ASIC2: variants seen among roughly 807,000 people sequenced by gnomAD.
ASIC2 encodes the protein acid-sensing ion channel 2.
ASIC2 carries 25 observed loss-of-function variants against 57.3 expected under a neutral mutation model. The ratio of observed to expected loss-of-function variants is 0.44; its 90% CI spans 0.32 to 0.61. ASIC2 has a LOEUF of 0.61. Among genes scored for constraint, ASIC2 ranks in the 20% least tolerant of loss-of-function variants. The pLI is 0.06. For missense variants in ASIC2, 641 were observed against 738.1 expected, an observed-to-expected ratio of 0.87 and a Z score of 1.52; for synonymous variants, 319 against 307.5, an observed-to-expected ratio of 1.04 and a Z score of -0.39.
At chr17:33,997,087 A>T (rs1329040495) in intron 1 of ASIC2, among the ~76,000 whole-genome samples, 2 of 151,948 alleles carry the variant, frequency 1.3e-5, no homozygotes, top group African/African-American at 4.8e-5. Context: ...ATTTAGTCCT[A>T]AGTATTTGTT....
intron 1 of ASIC2, chr17:33,623,656 A>T (rs1387101627): frequency 1.3e-5 from 2 of 151,874 alleles, no homozygotes; most frequent in Non-Finnish European, 1.5e-5. Context: ...CATGTTTCTT[A>T]TTTTTTCCAT....
intron 1 of ASIC2, among the ~76,000 whole-genome samples, chr17:33,740,405 A>T (rs1365529986): frequency 3.9e-5 from 6 of 152,218 alleles, no homozygotes; most frequent in African/African-American, 1.2e-4. Context: ...TCTTCTTCAT[A>T]TGGCAGCAGG....
chr17:33,873,873 A>G (rs542165095), intron 1 of ASIC2, among the ~76,000 whole-genome samples: 1 of 151,742 alleles, frequency 6.6e-6, no homozygotes, highest in East Asian at 1.9e-4. Flanking sequence ...TATGGCCCCA[A>G]CTCCCTTCCA....
chr17:34,103,695 C>T lies in ASIC2; in HGVS notation c.555+52283G>A, dbSNP rs952943765. 2.6e-5 allele frequency among the ~76,000 whole-genome samples: 4 copies of T among 152,000 alleles called. 1 individual carries two copies. The highest frequency in any genetic ancestry group is 4.1e-4 in the South Asian group (2 of 4,822). Reference sequence around the variant, plus strand: ...GCACAGATATCCTGTTGTTTCAGCACAATTTGTTGAAAATACTTTCCTTTT... The same window carrying T: ...GCACAGATATCCTGTTGTTTCAGCATAATTTGTTGAAAATACTTTCCTTTT... On this transcript the variant is annotated intron_variant, in intron 1 of 9. Transcript: ENST00000359872.
intron 3 of ASIC2, among the ~76,000 whole-genome samples, chr17:33,051,554 C>T (rs2091976330): frequency 6.6e-6 from 1 of 152,186 alleles, no homozygotes. Flanking sequence ...GCAAGCACCT[C>T]ATCTGGGGAC....
chr17:33,642,212 C>T (rs1271956724), intron 1 of ASIC2, among the ~76,000 whole-genome samples: 2 of 95,816 alleles, frequency 2.1e-5, no homozygotes, highest in East Asian at 2.9e-4. Context: ...AGGACACCCC[C>T]CCCCCCCCCA....
intron 1 of ASIC2, among the ~76,000 whole-genome samples, chr17:33,213,049 T>C (rs1907338996): frequency 6.6e-6 from 1 of 152,240 alleles, no homozygotes; most frequent in Non-Finnish European, 1.5e-5. Context: ...TTGGGTAGAA[T>C]ATTGAGCCCA....
chr17:33,774,688 A>T (rs899245430), intron 1 of ASIC2, among the ~76,000 whole-genome samples: 11 of 152,194 alleles, frequency 7.2e-5, no homozygotes, highest in Non-Finnish European at 1.2e-4. Context: ...GAGTTTGGAG[A>T]CATACACACT....
intron 1 of ASIC2, among the ~76,000 whole-genome samples, chr17:33,149,683 C>T (rs907848174): frequency 5.9e-5 from 9 of 151,808 alleles, no homozygotes; most frequent in Admixed American, 5.9e-4. Context: ...CAGCATTTGA[C>T]TTAAAAATTG....
upstream of ASIC2, among the ~76,000 whole-genome samples, chr17:33,297,980 T>TC (rs1905791267): frequency 1.3e-5 from 2 of 148,338 alleles, no homozygotes; most frequent in African/African-American, 4.9e-5. Flanking sequence ...TGGTCTTATT[T>TC]CTGTAGTTTT....
At chr17:33,513,458 T>C (rs1225414992) in intron 1 of ASIC2, among the ~76,000 whole-genome samples, 2 of 152,246 alleles carry the variant, frequency 1.3e-5, no homozygotes, top group Non-Finnish European at 2.9e-5. Flanking sequence ...TATTTCTTCT[T>C]TGAGCCAAGA....
chr17:33,401,031 G>A (rs980466191), intron 1 of ASIC2, among the ~76,000 whole-genome samples: 1 of 152,106 alleles, frequency 6.6e-6, no homozygotes. Flanking sequence ...GTCACTCAGG[G>A]GCCCAGGCTG....
chr17:33,330,492 C>A (rs926773594), intron 1 of ASIC2, among the ~76,000 whole-genome samples: 1 of 152,170 alleles, frequency 6.6e-6, no homozygotes, highest in Admixed American at 6.5e-5. Context: ...CCTCATGACA[C>A]CTTCGGGCTC....
chr17:33,729,293 A>G (rs921745148), intron 1 of ASIC2, among the ~76,000 whole-genome samples: 2 of 152,146 alleles, frequency 1.3e-5, no homozygotes, highest in East Asian at 1.9e-4. Flanking sequence ...TTAAACAACC[A>G]GATCTTGTGG....
chr17:33,959,093 C>T (rs537272670), intron 1 of ASIC2, among the ~76,000 whole-genome samples: 85 of 152,290 alleles, frequency 5.6e-4, no homozygotes, highest in Non-Finnish European at 6.9e-4. Context: ...TTGTCCATAA[C>T]GCTATCAGTA....
At chr17:33,250,731 A>T (rs1191099261) in intron 1 of ASIC2, among the ~76,000 whole-genome samples, 2 of 152,224 alleles carry the variant, frequency 1.3e-5, no homozygotes, top group African/African-American at 2.4e-5. Context: ...CCCTGGTTAC[A>T]GTGCGGAGGG....
intron 3 of ASIC2, among the ~76,000 whole-genome samples, chr17:33,033,927 A>T (rs2091897282): frequency 6.6e-6 from 1 of 152,120 alleles, no homozygotes; most frequent in Admixed American, 6.5e-5. Context: ...TCAGAGAGAC[A>T]AGGGGACAGG....
At chr17:33,340,801 A>G (rs1907691012) in intron 1 of ASIC2, among the ~76,000 whole-genome samples, 1 of 152,004 alleles carries the variant, frequency 6.6e-6, no homozygotes, top group Non-Finnish European at 1.5e-5. Context: ...GTGAATGAAT[A>G]TGTTCACGTG....
intron 1 of ASIC2, among the ~76,000 whole-genome samples, chr17:33,513,462 GCCAAGA>G (rs1914484019): frequency 6.6e-6 from 1 of 152,156 alleles, no homozygotes; most frequent in Non-Finnish European, 1.5e-5. Context: ...TCTTCTTTGA[GCCAAGA>G]ATTACTTAGG....
Sources: allele counts gnomAD v4.1 joint callset (sites outside exome capture counted in the v4.1 genomes callset), GRCh38; gene constraint gnomAD v4.1.1; transcripts MANE v1.5; gene names NCBI Gene and HGNC (gene_info 2026-07-23, HGNC 2026-07-21).